Variants in VPS13B observed in about 807,000 individuals in gnomAD.
VPS13B encodes intermembrane lipid transfer protein VPS13B.
In VPS13B, 285 loss-of-function variants were observed where a neutral mutation model predicts 426.4. The observed-to-expected ratio is 0.67, with a 90% CI of 0.61 to 0.74. The LOEUF is 0.74. Ranked by LOEUF, VPS13B falls within the 30% of genes least tolerant of loss-of-function variation. VPS13B has a pLI of 0.00. For synonymous variants in VPS13B, 1,676 were observed against 1,676.4 expected (o/e 1.00, Z 0.01); for missense variants, 4,537 against 4,782.6 (o/e 0.95, Z 1.51).
intron 39 of VPS13B, among the ~76,000 whole-genome samples, chr8:99,730,082 T>A (rs900250288): frequency 6.6e-6 from 1 of 152,228 alleles, no homozygotes; most frequent in East Asian, 1.9e-4. Context: ...TCTTTTCAGC[T>A]GGGTTGGGCA....
chr8:99,625,176 A>T (rs569625074), intron 33 of VPS13B, among the ~76,000 whole-genome samples: 9 of 152,334 alleles, frequency 5.9e-5, no homozygotes, highest in Admixed American at 3.9e-4. Flanking sequence ...GTTTTAGACC[A>T]GAACTTCTGC....
At chr8:99,669,083 T>A (rs1830602678) in intron 35 of VPS13B, among the ~76,000 whole-genome samples, 1 of 152,128 alleles carries the variant, frequency 6.6e-6, no homozygotes, top group Non-Finnish European at 1.5e-5. Flanking sequence ...ACAGTTAGCC[T>A]ATAGAAAAAA....
Position 99,342,484 on chromosome 8 carries a change from G to T in VPS13B, c.2825-41724G>T, listed in dbSNP as rs528521901. Reference sequence around the variant, plus strand: ...TTTTTTAGATTTCACATACATGTGAGATCATATGGTGTATCTTTCTGTGCC... The same window carrying T: ...TTTTTTAGATTTCACATACATGTGATATCATATGGTGTATCTTTCTGTGCC... On this transcript the variant is annotated intron_variant, in intron 19 of 61. Coordinates refer to ENST00000357162, the MANE Select transcript of VPS13B (RefSeq NM_152564.5). Among the ~76,000 whole-genome samples the T allele has an allele frequency of 7.9e-5, 12 of 151,878 alleles. No homozygotes were observed. The South Asian group carries it at 2.5e-3, about 31-fold the overall frequency.
chr8:99,848,812 G>T lies in VPS13B; in HGVS notation c.9979G>T (p.Asp3327Tyr). Reference protein sequence around the residue: ...FLTGFGYVYVDVVHQCGTVFI... With the variant: ...FLTGFGYVYVYVVHQCGTVFI... ...GACTGGCTTTGGCTATGTGTATGTG[G>T]ATGTTGTACATCAGTGTGGCACAGT... Residue 3327 changes from aspartate (D) to tyrosine (Y), a missense_variant, in exon 55 of 62, where the codon GAT (aspartate) becomes TAT (tyrosine). By Grantham distance (160) the Asp-to-Tyr change is radical (BLOSUM62 -3). This residue lies in a region of VPS13B where 4,311 missense variants were observed against 4,474.3 expected (regional missense o/e 0.96). Coordinates refer to ENST00000357162, the MANE Select transcript of VPS13B (RefSeq NM_152564.5). 2 of 1,614,072 alleles carry T rather than the reference G, an allele frequency of 1.2e-6. No individual in the cohort carries two copies. Among genetic ancestry groups the T allele is most frequent in the East Asian group, 2.2e-5 (1 of 44,876 alleles).
chr8:99,375,997 G>A (rs1010077731), intron 19 of VPS13B, among the ~76,000 whole-genome samples: 7 of 152,010 alleles, frequency 4.6e-5, no homozygotes, highest in East Asian at 3.9e-4. Context: ...GTGCATCTTC[G>A]GTCTCTAACT....
intron 46 of VPS13B, 40 bp from the exon 47 acceptor site, chr8:99,818,673 A>G (rs200353001): frequency 3.7e-6 from 6 of 1,612,250 alleles, no homozygotes; most frequent in Non-Finnish European, 5.1e-6. Context: ...TACTGCAACA[A>G]AGCAAATATG....
At chr8:99,600,040 A>C (rs1424431765) in intron 33 of VPS13B, among the ~76,000 whole-genome samples, 1 of 152,158 alleles carries the variant, frequency 6.6e-6, no homozygotes, top group Non-Finnish European at 1.5e-5. Flanking sequence ...ATTATACTTC[A>C]GTAAACCTAG....
chr8:99,394,184 G>A (rs774020329), intron 21 of VPS13B, among the ~76,000 whole-genome samples: 1 of 152,038 alleles, frequency 6.6e-6, no homozygotes, highest in Non-Finnish European at 1.5e-5. Context: ...GTGGAGAAAT[G>A]TTAATGTTCA....
At chr8:99,155,850 A>G (rs1811332311) in intron 14 of VPS13B, among the ~76,000 whole-genome samples, 1 of 152,218 alleles carries the variant, frequency 6.6e-6, no homozygotes, top group Admixed American at 6.5e-5. Flanking sequence ...GGCATTCCTC[A>G]TTGAGAACCA....
rs376330680 is a variant in VPS13B at position 99,431,582 on chromosome 8, C to A, written c.3128C>A (p.Ser1043Tyr). 6 of 1,613,374 alleles carry A rather than the reference C, an allele frequency of 3.7e-6. No homozygotes were observed. Among genetic ancestry groups the A allele is most frequent in the Non-Finnish European group, 5.1e-6 (6 of 1,179,742 alleles). The change falls in exon 22 of 62, where the codon TCT (serine) becomes TAT (tyrosine). Residue 1043 changes from serine (S) to tyrosine (Y), a missense_variant. By Grantham distance (144) the Ser-to-Tyr change is moderately radical. This residue lies in a region of VPS13B where 4,311 missense variants were observed against 4,474.3 expected (regional missense o/e 0.96). Coordinates refer to ENST00000357162, the MANE Select transcript of VPS13B (RefSeq NM_152564.5). Reference sequence around the variant, plus strand: ...CCTGTTAAAGCCATGTTGAATATATCTGAAAGCTGTAGAAGTCCTGAAGAA... The same window carrying A: ...CCTGTTAAAGCCATGTTGAATATATATGAAAGCTGTAGAAGTCCTGAAGAA... ...SVPVKAMLNI[S>Y]ESCRSPEERM...
chr8:99,604,613 C>T (rs1827486409), intron 33 of VPS13B, among the ~76,000 whole-genome samples: 1 of 151,084 alleles, frequency 6.6e-6, no homozygotes, highest in Non-Finnish European at 1.5e-5. Context: ...CATTCTCCTG[C>T]CTCAGCCTCC....
intron 36 of VPS13B, among the ~76,000 whole-genome samples, chr8:99,702,893 CTT>C (rs1832342355): frequency 6.6e-6 from 1 of 152,030 alleles, no homozygotes; most frequent in African/African-American, 2.4e-5. Context: ...CTAGAGGAAT[CTT>C]ATGTGCTAAG....
At chr8:99,428,786 G>A (rs542740893) in intron 21 of VPS13B, among the ~76,000 whole-genome samples, 1 of 152,038 alleles carries the variant, frequency 6.6e-6, no homozygotes, top group African/African-American at 2.4e-5. Flanking sequence ...CTTGGTATAT[G>A]CCCAAAGTAT....
At chr8:99,056,579 T>C (rs35048593) in intron 3 of VPS13B, among the ~76,000 whole-genome samples, 47,955 of 152,118 alleles carry the variant, frequency 0.32, 9,228 homozygotes, top group South Asian at 0.57. Flanking sequence ...GTGGTGAAAA[T>C]GGGCATCCTT....
chr8:99,197,655 C>G (rs1814018917), intron 17 of VPS13B, among the ~76,000 whole-genome samples: 1 of 152,084 alleles, frequency 6.6e-6, no homozygotes, highest in Non-Finnish European at 1.5e-5. Context: ...AATCTCTCCA[C>G]TTTTATTTTT....
At chr8:99,498,304 A>T (rs1821041275) in intron 25 of VPS13B, among the ~76,000 whole-genome samples, 1 of 152,152 alleles carries the variant, frequency 6.6e-6, no homozygotes, top group Non-Finnish European at 1.5e-5. Context: ...TTTACTATTA[A>T]AACATTGTTT....
chr8:99,419,805 T>C (rs1399730257), intron 21 of VPS13B, among the ~76,000 whole-genome samples: 2 of 152,224 alleles, frequency 1.3e-5, no homozygotes, highest in East Asian at 3.8e-4. Context: ...TGATTTGTTC[T>C]CTATTTTAAA....
At chr8:99,173,502 C>G (rs78489130) in intron 16 of VPS13B, among the ~76,000 whole-genome samples, 3,298 of 152,204 alleles carry the variant, frequency 0.022, 133 homozygotes, top group African/African-American at 0.075. Context: ...TACCACAGTT[C>G]GAGGCCTCAA....
intron 36 of VPS13B, among the ~76,000 whole-genome samples, chr8:99,703,765 G>C (rs182641698): frequency 7.1e-4 from 108 of 152,238 alleles, no homozygotes; most frequent in African/African-American, 2.5e-3. Flanking sequence ...CAGAGGCAGG[G>C]TGGAGAGTGA....
Sources: allele counts gnomAD v4.1 joint callset (sites outside exome capture counted in the v4.1 genomes callset), GRCh38; gene constraint gnomAD v4.1.1; regional missense constraint gnomAD v4.1.1; transcripts MANE v1.5; gene names NCBI Gene and HGNC (gene_info 2026-07-23, HGNC 2026-07-21).